Variants in SPATA18 observed in about 807,000 individuals in gnomAD.
SPATA18 encodes spermatogenesis associated 18.
In SPATA18, 54 loss-of-function variants were observed where a neutral mutation model predicts 68.1. That is an observed-to-expected ratio of 0.79 (90% CI 0.64 to 0.99). The LOEUF (loss-of-function observed/expected upper bound fraction) is 0.99, where lower values mean the gene tolerates loss of function less well. SPATA18 is among the 50% of genes least tolerant of loss of function. The pLI, the probability that SPATA18 is intolerant of heterozygous loss-of-function variation, is 0.00. For missense variants in SPATA18, 724 were observed against 681.1 expected, an observed-to-expected ratio of 1.06 and a Z score of -0.70; for synonymous variants, 242 against 244.8, an observed-to-expected ratio of 0.99 and a Z score of 0.11.
chr4:52,070,517 C>A (rs1035038625), intron 5 of SPATA18, among the ~76,000 whole-genome samples: 1 of 142,870 alleles, frequency 7.0e-6, no homozygotes, highest in Non-Finnish European at 1.5e-5. Context: ...GGGAACATCA[C>A]ACTCTGGGGA....
At chr4:52,083,726 A>G (rs577497438) in intron 10 of SPATA18, among the ~76,000 whole-genome samples, 1 of 149,088 alleles carries the variant, frequency 6.7e-6, no homozygotes, top group Admixed American at 6.8e-5. Context: ...CCTGGATGAC[A>G]GAGTAAGATC....
At chr4:52,060,950 A>C in intron 3 of SPATA18, 53 bp downstream of exon 3, 1 of 1,382,696 alleles carries the variant, frequency 7.2e-7, no homozygotes, top group East Asian at 2.3e-5. Context: ...GATAAAACGA[A>C]TCAGAAACCT....
chr4:52,078,919 C>T, intron 8 of SPATA18, 26 bp downstream of exon 8: 1 of 1,534,742 alleles, frequency 6.5e-7, no homozygotes, highest in Non-Finnish European at 8.9e-7. Flanking sequence ...TTTATTAGGA[C>T]TGGTTTGCTG....
chr4:52,069,532 T>G (rs887567643), intron 4 of SPATA18, among the ~76,000 whole-genome samples: 6 of 152,216 alleles, frequency 3.9e-5, no homozygotes, highest in Non-Finnish European at 5.9e-5. Flanking sequence ...AAGGAGAAAT[T>G]GAACAAGTTT....
chr4:52,095,163 G>A lies in SPATA18; in HGVS notation c.*276G>A, dbSNP rs573499931. 23 of 479,444 alleles carry A rather than the reference G, an allele frequency of 4.8e-5. No homozygotes were observed. The highest frequency in any genetic ancestry group is 2.0e-4 in the South Asian group (6 of 29,602). 29.7% of individuals were successfully genotyped at this position (479,444 alleles called of 1,614,324 possible). A position where few individuals can be genotyped will look rare whatever the true frequency, so the allele number is the denominator to read the frequency against. On this transcript the variant is annotated 3_prime_UTR_variant, in exon 13 of 13. Transcript: ENST00000295213. ...ATCATATTCATTCGAAGCAAAGTCC[G>A]TTACAAAGGTTCAAGATTTCCATCT...
At position 52,062,244 on chromosome 4, in the gene SPATA18, A is replaced by G. The variant is rs759691104; in HGVS notation, c.334A>G (p.Lys112Glu). 1.9e-6 allele frequency: 3 copies of G among 1,603,820 alleles called. No individual in the cohort carries two copies. The highest frequency in any genetic ancestry group is 2.2e-5 in the South Asian group (2 of 89,550). The change falls in exon 4 of 13, where the codon AAA becomes GAA. Residue 112 changes from lysine to glutamate, a missense_variant. Physicochemically the swap from Lys to Glu is moderately conservative, Grantham distance 56. Transcript: ENST00000295213. The part of the protein sequence containing the change: ...LQDTFDRERH[K>E]DPSPRDRDMQ... ...GGACACGTTTGATAGGGAGAGACAT[A>G]AAGATCCCAGTCCTCGGGATCGGGA...
At chr4:52,077,794 C>T (rs10001290) in intron 7 of SPATA18, among the ~76,000 whole-genome samples, 19,785 of 152,072 alleles carry the variant, frequency 0.13, 1,492 homozygotes, top group South Asian at 0.28. Context: ...GCTATTTGAG[C>T]ATGACAAATT....
At chr4:52,064,753 C>T (rs1474311056) in intron 4 of SPATA18, among the ~76,000 whole-genome samples, 1 of 152,148 alleles carries the variant, frequency 6.6e-6, no homozygotes, top group East Asian at 1.9e-4. Flanking sequence ...TGCATGTGTC[C>T]TTTTCATAAG....
At chr4:52,069,396 G>C (rs911195339) in intron 4 of SPATA18, among the ~76,000 whole-genome samples, 4 of 152,176 alleles carry the variant, frequency 2.6e-5, no homozygotes, top group African/African-American at 9.7e-5. Context: ...TATTGAAGAA[G>C]TCTGCAGCCC....
intron 6 of SPATA18, among the ~76,000 whole-genome samples, chr4:52,073,777 G>C (rs1010275675): frequency 6.6e-6 from 1 of 152,170 alleles, no homozygotes; most frequent in Non-Finnish European, 1.5e-5. Context: ...CCCAGTTTTT[G>C]TTACTTTGGG....
intron 4 of SPATA18, among the ~76,000 whole-genome samples, chr4:52,068,473 C>G (rs545420911): frequency 6.6e-4 from 101 of 152,276 alleles, no homozygotes; most frequent in African/African-American, 2.3e-3. Context: ...GAAGGGGAAA[C>G]AAAGTTTTCT....
chr4:52,077,100 C>G, intron 7 of SPATA18, 60 bp downstream of exon 7: 2 of 1,506,380 alleles, frequency 1.3e-6, no homozygotes, highest in African/African-American at 1.4e-5. Context: ...AGTTCTGTAA[C>G]GTGAATGGAA....
At chr4:52,080,209 G>T (rs185847049) in intron 9 of SPATA18, among the ~76,000 whole-genome samples, 13 of 152,106 alleles carry the variant, frequency 8.5e-5, no homozygotes, top group African/African-American at 2.9e-4. Flanking sequence ...CTTTCTATTG[G>T]TTTTTATTGC....
intron 1 of SPATA18, among the ~76,000 whole-genome samples, chr4:52,055,273 C>T (rs186813071): frequency 1.4e-4 from 22 of 152,344 alleles, no homozygotes; most frequent in Non-Finnish European, 2.9e-5. Context: ...CAGTTCTACA[C>T]TTATAACGTG....
chr4:52,069,605 T>C (rs761347859), intron 4 of SPATA18, among the ~76,000 whole-genome samples: 2 of 152,188 alleles, frequency 1.3e-5, no homozygotes, highest in African/African-American at 4.8e-5. Context: ...AATTTCCTAG[T>C]GTTTGACATT....
chr4:52,074,662 TTTG>T (rs1404361161), intron 6 of SPATA18, among the ~76,000 whole-genome samples: 1 of 152,184 alleles, frequency 6.6e-6, no homozygotes. Context: ...GATTCAGAGT[TTTG>T]TTGTAAGAGC....
At chr4:52,089,201 A>G (rs1741721762) in intron 11 of SPATA18, among the ~76,000 whole-genome samples, 2 of 151,806 alleles carry the variant, frequency 1.3e-5, no homozygotes, top group African/African-American at 4.8e-5. Flanking sequence ...GGCTAGCAGT[A>G]TATCTATTTT....
intron 11 of SPATA18, among the ~76,000 whole-genome samples, chr4:52,087,527 C>A (rs1741542861): frequency 6.6e-6 from 1 of 152,040 alleles, no homozygotes; most frequent in Non-Finnish European, 1.5e-5. Context: ...AATAGGAAAT[C>A]TTTTTTCCCC....
chr4:52,052,043 T>G (rs1737929214), intron 1 of SPATA18, among the ~76,000 whole-genome samples: 1 of 152,198 alleles, frequency 6.6e-6, no homozygotes, highest in Non-Finnish European at 1.5e-5. Flanking sequence ...CTGCGGAGAC[T>G]GGAGAGTGCT....
Sources: allele counts gnomAD v4.1 joint callset (sites outside exome capture counted in the v4.1 genomes callset), GRCh38; gene constraint gnomAD v4.1.1; transcripts MANE v1.5; gene names NCBI Gene and HGNC (gene_info 2026-07-23, HGNC 2026-07-21).